The following OPCML variants were observed in gnomAD, a reference collection of about 807,000 sequenced individuals.
OPCML encodes the protein opioid-binding protein/cell adhesion molecule.
A neutral mutation model predicts 37.8 loss-of-function variants in OPCML; 13 were observed. That is an observed-to-expected ratio of 0.34 (90% CI 0.22 to 0.55). The LOEUF (loss-of-function observed/expected upper bound fraction) is 0.55, where lower values mean the gene tolerates loss of function less well. Among genes scored for constraint, OPCML ranks in the 20% least tolerant of loss-of-function variants. The pLI is 0.91. For missense variants in OPCML, 341 were observed against 435.6 expected, an observed-to-expected ratio of 0.78 and a Z score of 1.93; for synonymous variants, 176 against 168.8, an observed-to-expected ratio of 1.04 and a Z score of -0.33.
intron 1 of OPCML, among the ~76,000 whole-genome samples, chr11:133,031,093 T>C (rs1314341309): frequency 6.6e-6 from 1 of 152,234 alleles, no homozygotes; most frequent in Non-Finnish European, 1.5e-5. Context: ...CATGATGGTT[T>C]ACTCAGCACT....
chr11:132,848,260 A>T lies in OPCML; in HGVS notation c.146+94666T>A, dbSNP rs186049110. Among the ~76,000 whole-genome samples, 378 of 152,374 alleles carry T rather than the reference A, an allele frequency of 2.5e-3. 2 individuals are homozygous for T. The highest frequency in any genetic ancestry group is 2.2e-3 in the Non-Finnish European group (147 of 68,044). Reference sequence around the variant, plus strand: ...AAAATTATACTGCTATTCTACAAGTATGATGCTACCTTTAAAGAATATGCT... The same window carrying T: ...AAAATTATACTGCTATTCTACAAGTTTGATGCTACCTTTAAAGAATATGCT... On this transcript the variant is annotated intron_variant, in intron 2 of 7. Transcript: ENST00000524381.
chr11:132,974,001 A>G (rs1168777169), intron 1 of OPCML, among the ~76,000 whole-genome samples: 2 of 152,064 alleles, frequency 1.3e-5, no homozygotes, highest in Non-Finnish European at 2.9e-5. Flanking sequence ...ACACAGACCT[A>G]TCTACACGTG....
intron 1 of OPCML, chr11:133,118,013 C>T: frequency 1.2e-6 from 1 of 863,494 alleles, no homozygotes. Context: ...TTGTTTTCAA[C>T]CTGAGTCTAC....
rs1175255373 is a variant in OPCML at position 132,417,591 on chromosome 11, CT to C, written c.*2601del. 1.3e-5 allele frequency: 2 copies of C among 152,206 alleles called. No individual in the cohort carries two copies. The highest frequency in any genetic ancestry group is 4.8e-5 in the African/African-American group (2 of 41,438). The allele number at this position is 152,206 out of a possible 1,614,324, so 9.4% of individuals were successfully genotyped here. On this transcript the variant is annotated 3_prime_UTR_variant, in exon 8 of 8. Coordinates refer to ENST00000524381, the MANE Select transcript of OPCML (RefSeq NM_001012393.5). Reference sequence around the variant, plus strand: ...TGGCCAAAGGAGCATGGACCCTTTCCTGTAGAACAAGTCTTGGAGTGAGGAA... The same window carrying C: ...TGGCCAAAGGAGCATGGACCCTTTCCGTAGAACAAGTCTTGGAGTGAGGAA...
chr11:132,870,706 T>C (rs1468768627), intron 2 of OPCML, among the ~76,000 whole-genome samples: 2 of 152,200 alleles, frequency 1.3e-5, no homozygotes, highest in East Asian at 1.9e-4. Flanking sequence ...ATAAATTCGA[T>C]GAAATACCAT....
rs191593182 is a variant in OPCML, at chr11:132,468,427, G to T, written c.506-31068C>A. The stretch of plus-strand genomic sequence containing the variant: ...AGTTGTTTTCATTTTTCATAGAGTT[G>T]TATGGATTGTAGAGGTTTGTGATCT... On this transcript the variant is annotated intron_variant, in intron 4 of 7. Transcript: ENST00000524381. Among the ~76,000 whole-genome samples the T allele has an allele frequency of 4.2e-3, 643 of 152,252 alleles. 3 individuals are homozygous for T. The highest frequency in any genetic ancestry group is 6.7e-3 in the Non-Finnish European group (456 of 68,004).
chr11:133,528,406 T>C (rs1164102346), intron 1 of OPCML, among the ~76,000 whole-genome samples: 1 of 152,242 alleles, frequency 6.6e-6, no homozygotes, highest in African/African-American at 2.4e-5. Context: ...TTCCTATCTC[T>C]TTCTTAGTGA....
chr11:132,743,517 A>G (rs1369019349), intron 2 of OPCML, among the ~76,000 whole-genome samples: 2 of 152,200 alleles, frequency 1.3e-5, no homozygotes, highest in African/African-American at 4.8e-5. Context: ...GCACAAAAGT[A>G]ATTAGTAGGA....
rs1042066866 is a variant in OPCML at position 133,004,585 on chromosome 11, G to C, written c.62-61575C>G. The C allele has an allele frequency of 2.0e-5, 20 of 985,338 alleles. No homozygotes were observed. In the Admixed American group the frequency reaches 3.7e-4, roughly 18 times the overall value. 61.0% of individuals were successfully genotyped at this position (985,338 alleles called of 1,614,324 possible). A position where few individuals can be genotyped will look rare whatever the true frequency, so the allele number is the denominator to read the frequency against. On this transcript the variant is annotated intron_variant, in intron 1 of 7. Transcript: ENST00000524381. ...TGCCAATGCCCATGCAGGCACTGCTGCTCCATGCGAAGGGTCTGCTCCTCT... is the reference window on the plus strand; with the variant it reads ...TGCCAATGCCCATGCAGGCACTGCTCCTCCATGCGAAGGGTCTGCTCCTCT...
chr11:133,341,160 G>C (rs1592216706), intron 1 of OPCML, among the ~76,000 whole-genome samples: 1 of 152,128 alleles, frequency 6.6e-6, no homozygotes, highest in African/African-American at 2.4e-5. Context: ...CTAGAACCCT[G>C]CCTGCCTGTA....
chr11:133,258,830 C>G (rs1941403816), intron 1 of OPCML, among the ~76,000 whole-genome samples: 1 of 152,110 alleles, frequency 6.6e-6, no homozygotes, highest in South Asian at 2.1e-4. Flanking sequence ...CCAGCCTGCC[C>G]CTGCCTGCCC....
intron 1 of OPCML, among the ~76,000 whole-genome samples, chr11:133,364,682 A>G (rs1258614151): frequency 6.6e-6 from 1 of 152,234 alleles, no homozygotes; most frequent in Non-Finnish European, 1.5e-5. Flanking sequence ...GTACTGAAAA[A>G]TAAACAGAAT....
At chr11:133,417,341 C>G (rs1945790700) in intron 1 of OPCML, among the ~76,000 whole-genome samples, 1 of 152,024 alleles carries the variant, frequency 6.6e-6, no homozygotes, top group Non-Finnish European at 1.5e-5. Context: ...TCTGGTCTTC[C>G]CAGCAACTCT....
intron 2 of OPCML, among the ~76,000 whole-genome samples, chr11:132,767,811 G>GA (rs71067394): frequency 0.062 from 9,094 of 147,470 alleles, 338 homozygotes; most frequent in Non-Finnish European, 0.084. Context: ...TAATAGCTTG[G>GA]AAAAAAAAAA....
intron 1 of OPCML, among the ~76,000 whole-genome samples, chr11:133,228,641 TG>T (rs1269787425): frequency 1.3e-5 from 2 of 152,214 alleles, no homozygotes; most frequent in Admixed American, 1.3e-4. Context: ...TGCCCCCGCT[TG>T]GGCTGCCCCT....
At chr11:133,040,855 C>A (rs185330170) in intron 1 of OPCML, among the ~76,000 whole-genome samples, 2 of 152,000 alleles carry the variant, frequency 1.3e-5, no homozygotes, top group African/African-American at 4.8e-5. Flanking sequence ...ATCAAACACT[C>A]GGAGAAGTGG....
intron 3 of OPCML, among the ~76,000 whole-genome samples, chr11:132,538,140 C>G (rs960981131): frequency 1.8e-4 from 27 of 152,100 alleles, no homozygotes; most frequent in African/African-American, 5.5e-4. Context: ...TCATAATAGA[C>G]AAAATTTTAA....
chr11:132,468,342 A>G (rs1012502887), intron 4 of OPCML, among the ~76,000 whole-genome samples: 1 of 152,132 alleles, frequency 6.6e-6, no homozygotes, highest in East Asian at 1.9e-4. Context: ...ATCCTTTCTC[A>G]AGATACCTAT....
At chr11:132,889,025 T>C (rs1023610585) in intron 2 of OPCML, among the ~76,000 whole-genome samples, 35 of 152,170 alleles carry the variant, frequency 2.3e-4, no homozygotes, top group Non-Finnish European at 2.9e-5. Flanking sequence ...TGGCAGATGA[T>C]TTTTCAGGAC....
Sources: gnomAD v4.1 joint callset for allele counts (sites outside exome capture counted in the v4.1 genomes callset) on GRCh38, gnomAD v4.1.1 for gene constraint, MANE v1.5 for transcripts, NCBI Gene and HGNC (gene_info 2026-07-23, HGNC 2026-07-21) for gene names.